Variants in USH2A observed in about 807,000 individuals in gnomAD.
USH2A encodes the protein usherin.
USH2A carries 443 observed loss-of-function variants against 538.9 expected under a neutral mutation model. The ratio of observed to expected loss-of-function variants is 0.82; its 90% CI spans 0.76 to 0.89. The LOEUF is 0.89. Ranked by LOEUF, USH2A falls within the 40% of genes least tolerant of loss-of-function variation. The pLI is 0.00. For synonymous variants in USH2A, 2,413 were observed against 2,273.5 expected (o/e 1.06, Z -1.75); for missense variants, 6,633 against 6,324.8 (o/e 1.05, Z -1.65).
At chr1:216,236,285 A>T (rs1347594431) in intron 13 of USH2A, among the ~76,000 whole-genome samples, 1 of 151,810 alleles carries the variant, frequency 6.6e-6, no homozygotes, top group Non-Finnish European at 1.5e-5. Context: ...TTCAGAAATC[A>T]TTTTCTCTAA....
At chr1:216,025,865 A>G (rs892024283) in intron 32 of USH2A, among the ~76,000 whole-genome samples, 2 of 152,080 alleles carry the variant, frequency 1.3e-5, no homozygotes, top group Non-Finnish European at 2.9e-5. Flanking sequence ...ATAGAGCTAC[A>G]CAAGTGGCAG....
At chr1:215,826,626 T>C (rs993999556) in intron 47 of USH2A, among the ~76,000 whole-genome samples, 17 of 152,158 alleles carry the variant, frequency 1.1e-4, no homozygotes, top group African/African-American at 4.1e-4. Flanking sequence ...ATTATCAAAG[T>C]GAGACTCATA....
chr1:216,027,909 C>T (rs1558219290), intron 32 of USH2A, among the ~76,000 whole-genome samples: 1 of 152,130 alleles, frequency 6.6e-6, no homozygotes, highest in Non-Finnish European at 1.5e-5. Flanking sequence ...CTTTAAACAT[C>T]TGGTAGAAAT....
chr1:215,766,280 A>C (rs1571664585), intron 56 of USH2A, among the ~76,000 whole-genome samples: 1 of 152,240 alleles, frequency 6.6e-6, no homozygotes, highest in East Asian at 1.9e-4. Context: ...ATCAACTTTC[A>C]GATTTTCTCT....
chr1:215,644,643 C>T (rs946574884), intron 67 of USH2A, among the ~76,000 whole-genome samples: 4 of 152,164 alleles, frequency 2.6e-5, no homozygotes, highest in Non-Finnish European at 5.9e-5. Context: ...ATTGAAAGTT[C>T]AGTTGCGTTG....
chr1:216,300,114 C>T (rs745690531), intron 9 of USH2A, among the ~76,000 whole-genome samples: 23 of 152,138 alleles, frequency 1.5e-4, no homozygotes, highest in Non-Finnish European at 2.1e-4. Context: ...ATAACCATGA[C>T]AAAATGGAAG....
intron 8 of USH2A, 150 bp downstream of exon 8, chr1:216,323,324 A>G (rs936211046): frequency 3.8e-6 from 2 of 526,676 alleles, no homozygotes; most frequent in Non-Finnish European, 3.4e-6. Context: ...TAGAGAAAAG[A>G]CTCACATACA....
At chr1:216,211,657 G>A (rs995197601) in intron 15 of USH2A, among the ~76,000 whole-genome samples, 3 of 151,944 alleles carry the variant, frequency 2.0e-5, no homozygotes, top group African/African-American at 7.3e-5. Context: ...AATTTGCATT[G>A]TTCTATTAAC....
chr1:216,405,754 C>T (rs988380119), intron 3 of USH2A, among the ~76,000 whole-genome samples: 1 of 152,164 alleles, frequency 6.6e-6, no homozygotes, highest in Non-Finnish European at 1.5e-5. Context: ...GTGTTTGATA[C>T]AACCCAAAAC....
intron 54 of USH2A, among the ~76,000 whole-genome samples, chr1:215,781,743 T>C (rs1047694148): frequency 2.0e-5 from 3 of 152,214 alleles, no homozygotes; most frequent in African/African-American, 4.8e-5. Context: ...TATAGATTTA[T>C]AGATTACCTA....
chr1:215,858,006 A>G (rs72742755), intron 44 of USH2A, among the ~76,000 whole-genome samples: 2,019 of 152,204 alleles, frequency 0.013, 20 homozygotes, highest in Non-Finnish European at 0.021. Flanking sequence ...GGATTTTGTT[A>G]TCTTTCAAGT....
chr1:216,001,375 A>G (rs1220393836), intron 32 of USH2A, among the ~76,000 whole-genome samples: 1 of 152,142 alleles, frequency 6.6e-6, no homozygotes, highest in Admixed American at 6.6e-5. Flanking sequence ...GTAGTGCCCT[A>G]GGCTGAAAGA....
chr1:215,817,016 C>G lies in USH2A; in HGVS notation c.9551G>C (p.Cys3184Ser). 1 of 1,612,444 alleles carries G rather than the reference C, an allele frequency of 6.2e-7. No homozygotes were observed. Among genetic ancestry groups the G allele is most frequent in the South Asian group, 1.1e-5 (1 of 91,054 alleles). Residue 3184 changes from cysteine (C) to serine (S), a missense_variant, in exon 48 of 72, where the codon TGC becomes TCC. Cys to Ser is a moderately radical substitution (Grantham distance 112). Coordinates refer to ENST00000307340, the MANE Select transcript of USH2A (RefSeq NM_206933.4). ...QKPESICGHICYSSEAKVCCN... is the reference protein window; with the variant it reads ...QKPESICGHISYSSEAKVCCN... ...ACTTACCTTAGCTTCAGAAGAATAG[C>G]AAATGTGTCCACAGATAGATTCAGG...
At chr1:216,262,954 T>G (rs947832590) in intron 11 of USH2A, among the ~76,000 whole-genome samples, 1 of 152,018 alleles carries the variant, frequency 6.6e-6, no homozygotes, top group Non-Finnish European at 1.5e-5. Context: ...ACACTACAAC[T>G]GAAACCACAA....
At chr1:215,801,895 AGT>A (rs1558104908) in intron 49 of USH2A, among the ~76,000 whole-genome samples, 1 of 152,184 alleles carries the variant, frequency 6.6e-6, no homozygotes, top group Non-Finnish European at 1.5e-5. Context: ...AGTAATCAAA[AGT>A]GTGTTACTGG....
chr1:216,310,998 G>T (rs1330884131), intron 9 of USH2A, among the ~76,000 whole-genome samples: 1 of 152,124 alleles, frequency 6.6e-6, no homozygotes, highest in East Asian at 1.9e-4. Context: ...CAATCCAATT[G>T]TGCCCTTCTT....
At chr1:216,222,115 G>T (rs549437531) in intron 14 of USH2A, among the ~76,000 whole-genome samples, 8 of 152,042 alleles carry the variant, frequency 5.3e-5, no homozygotes, top group Admixed American at 3.9e-4. Context: ...TACTTTTAAG[G>T]TTCTTTCCCA....
At chr1:215,770,832 C>T (rs886110371) in intron 55 of USH2A, among the ~76,000 whole-genome samples, 3 of 149,554 alleles carry the variant, frequency 2.0e-5, no homozygotes, top group Admixed American at 6.7e-5. Context: ...ACCGGTGGTA[C>T]GGTGGCTCAT....
chr1:215,885,800 A>AG (rs1018097594), intron 41 of USH2A, among the ~76,000 whole-genome samples: 7 of 152,158 alleles, frequency 4.6e-5, no homozygotes, highest in African/African-American at 1.7e-4. Flanking sequence ...CATTGTATGG[A>AG]GAAAAAAACC....
Sources: allele counts gnomAD v4.1 joint callset (sites outside exome capture counted in the v4.1 genomes callset), GRCh38; gene constraint gnomAD v4.1.1; transcripts MANE v1.5; gene names NCBI Gene and HGNC (gene_info 2026-07-23, HGNC 2026-07-21).